Variants in PRKCE observed in about 807,000 individuals in gnomAD.
PRKCE encodes the protein protein kinase C epsilon type.
In PRKCE, 16 loss-of-function variants were observed where a neutral mutation model predicts 85.4. That is an observed-to-expected ratio of 0.19 (90% CI 0.13 to 0.28). The LOEUF (loss-of-function observed/expected upper bound fraction) is 0.28, where lower values mean the gene tolerates loss of function less well. PRKCE is among the 10% of genes least tolerant of loss of function. The pLI, the probability that PRKCE is intolerant of heterozygous loss-of-function variation, is 1.00. For missense variants in PRKCE, 573 were observed against 975.2 expected, an observed-to-expected ratio of 0.59 and a Z score of 5.49; for synonymous variants, 388 against 371.5, an observed-to-expected ratio of 1.04 and a Z score of -0.51.
intron 1 of PRKCE, among the ~76,000 whole-genome samples, chr2:45,842,027 C>A (rs1184603221): frequency 6.6e-6 from 1 of 151,890 alleles, no homozygotes; most frequent in African/African-American, 2.4e-5. Context: ...GGCGGAGAGG[C>A]TAGCAGGGGG....
At chr2:45,795,688 T>C (rs1687382244) in intron 1 of PRKCE, among the ~76,000 whole-genome samples, 1 of 152,218 alleles carries the variant, frequency 6.6e-6, no homozygotes, top group African/African-American at 2.4e-5. Flanking sequence ...CATAGTCAGC[T>C]TCTTCAAACC....
chr2:45,716,361 A>AT (rs1302577296), intron 1 of PRKCE, among the ~76,000 whole-genome samples: 1 of 152,110 alleles, frequency 6.6e-6, no homozygotes, highest in Non-Finnish European at 1.5e-5. Context: ...TACCAAAAAT[A>AT]CAAAAATTAG....
chr2:45,977,152 C>G (rs1258052525), intron 3 of PRKCE, among the ~76,000 whole-genome samples: 1 of 152,058 alleles, frequency 6.6e-6, no homozygotes, highest in African/African-American at 2.4e-5. Context: ...CCACCTCTGC[C>G]CCCCAAAGTG....
chr2:45,881,046 G>A (rs1201689122), intron 2 of PRKCE, among the ~76,000 whole-genome samples: 1 of 151,122 alleles, frequency 6.6e-6, no homozygotes, highest in Admixed American at 6.6e-5. Context: ...CCAGCTACTT[G>A]GGAGGCTGAG....
chr2:46,051,542 G>A (rs945642667), intron 10 of PRKCE, among the ~76,000 whole-genome samples: 1 of 152,150 alleles, frequency 6.6e-6, no homozygotes, highest in Non-Finnish European at 1.5e-5. Context: ...CTCTCCTTTG[G>A]GGAACCTGGA....
intron 11 of PRKCE, among the ~76,000 whole-genome samples, chr2:46,106,615 A>G (rs529136660): frequency 6.6e-6 from 1 of 152,240 alleles, no homozygotes; most frequent in Non-Finnish European, 1.5e-5. Flanking sequence ...GGCTTGCAGA[A>G]GGCTGCTTTC....
intron 2 of PRKCE, among the ~76,000 whole-genome samples, chr2:45,867,260 G>C (rs996076204): frequency 1.3e-5 from 2 of 152,216 alleles, no homozygotes; most frequent in Non-Finnish European, 2.9e-5. Context: ...TCTGAGCCTT[G>C]CTACTGAGGC....
intron 2 of PRKCE, among the ~76,000 whole-genome samples, chr2:45,851,322 T>C (rs1185512917): frequency 6.6e-6 from 1 of 152,248 alleles, no homozygotes; most frequent in Non-Finnish European, 1.5e-5. Flanking sequence ...ATTCAACCTA[T>C]GGCTGTTAGG....
intron 2 of PRKCE, among the ~76,000 whole-genome samples, chr2:45,918,905 A>C (rs1195944795): frequency 6.6e-6 from 1 of 152,170 alleles, no homozygotes; most frequent in African/African-American, 2.4e-5. Flanking sequence ...AGCTCCTTTC[A>C]CCATCTAAGC....
chr2:45,875,984 G>T (rs1430697490), intron 2 of PRKCE, among the ~76,000 whole-genome samples: 2 of 152,192 alleles, frequency 1.3e-5, no homozygotes, highest in Non-Finnish European at 2.9e-5. Context: ...TTCTGAAGAG[G>T]TTTAGCAGCA....
intron 14 of PRKCE, among the ~76,000 whole-genome samples, chr2:46,176,826 G>A (rs1679474707): frequency 6.6e-6 from 1 of 152,170 alleles, no homozygotes; most frequent in South Asian, 2.1e-4. Flanking sequence ...TTGCATGAGT[G>A]TCCCAACAGA....
intron 12 of PRKCE, among the ~76,000 whole-genome samples, chr2:46,147,095 G>C (rs1413659204): frequency 1.3e-5 from 2 of 152,138 alleles, no homozygotes; most frequent in Admixed American, 6.5e-5. Flanking sequence ...TCGAAGTGAA[G>C]GTGATGAGTA....
Position 45,748,056 on chromosome 2 carries a change from T to C in PRKCE, c.349-94944T>C, listed in dbSNP as rs138923426. On this transcript the variant is annotated intron_variant, in intron 1 of 14. Coordinates refer to ENST00000306156, the MANE Select transcript of PRKCE (RefSeq NM_005400.3). Reference sequence around the variant, plus strand: ...TTAAGTTATAGGGGTTCTTTGTATATTCTAGATATTAACTCCTTATCAGGT... The same window carrying C: ...TTAAGTTATAGGGGTTCTTTGTATACTCTAGATATTAACTCCTTATCAGGT... Among the ~76,000 whole-genome samples, 20 of 152,358 alleles carry C rather than the reference T, an allele frequency of 1.3e-4. 1 individual carries two copies. The East Asian group carries it at 3.9e-3, about 29-fold the overall frequency.
At chr2:45,985,433 C>T (rs537223730) in intron 6 of PRKCE, among the ~76,000 whole-genome samples, 14 of 152,178 alleles carry the variant, frequency 9.2e-5, no homozygotes, top group African/African-American at 3.1e-4. Context: ...CCTGCTTGCA[C>T]GGTTGGGCAA....
At chr2:46,163,620 T>A (rs1272034577) in intron 14 of PRKCE, among the ~76,000 whole-genome samples, 2 of 81,630 alleles carry the variant, frequency 2.5e-5, no homozygotes, top group East Asian at 4.0e-4. Flanking sequence ...AAGCTGAGCT[T>A]CATCCCCACA....
chr2:45,734,416 G>A (rs763247256), intron 1 of PRKCE, among the ~76,000 whole-genome samples: 1 of 151,896 alleles, frequency 6.6e-6, no homozygotes, highest in Admixed American at 6.6e-5. Context: ...GTCTATAGTT[G>A]AGCCTGATTT....
chr2:46,072,414 C>T lies in PRKCE; in HGVS notation c.1438-13794C>T, dbSNP rs533509575. ...TTTAGCAGAGTGGAGATGTCAACCA[C>T]GCTTTCTTGCCATCATGAAATGGTT... On this transcript the variant is annotated intron_variant, in intron 10 of 14. Transcript: ENST00000306156. Among the ~76,000 whole-genome samples the T allele has an allele frequency of 1.1e-3, 172 of 152,332 alleles. 1 individual carries two copies. The highest frequency in any genetic ancestry group is 1.7e-3 in the Non-Finnish European group (118 of 68,034).
intron 2 of PRKCE, among the ~76,000 whole-genome samples, chr2:45,870,327 A>T (rs1219862449): frequency 6.6e-6 from 1 of 152,212 alleles, no homozygotes; most frequent in Non-Finnish European, 1.5e-5. Context: ...ACCAGCCTTA[A>T]GGAGAAAGAT....
At chr2:45,880,557 C>T (rs2105807187) in intron 2 of PRKCE, among the ~76,000 whole-genome samples, 1 of 151,726 alleles carries the variant, frequency 6.6e-6, no homozygotes, top group East Asian at 1.9e-4. Flanking sequence ...GCATTTACCT[C>T]AATTTGTAAT....
Sources: allele counts gnomAD v4.1 joint callset (sites outside exome capture counted in the v4.1 genomes callset), GRCh38; gene constraint gnomAD v4.1.1; transcripts MANE v1.5; gene names NCBI Gene and HGNC (gene_info 2026-07-23, HGNC 2026-07-21).